Variants in URGCP observed in about 807,000 individuals in gnomAD.
URGCP encodes up-regulator of cell proliferation.
In URGCP, 13 loss-of-function variants were observed where a neutral mutation model predicts 24.6. The ratio of observed to expected loss-of-function variants is 0.53; its 90% CI spans 0.34 to 0.84. URGCP has a LOEUF of 0.84. URGCP is among the 40% of genes least tolerant of loss of function. The probability of loss-of-function intolerance (pLI) is 0.01; values close to 1 mark genes in which losing one functional copy is unlikely to be tolerated. For synonymous variants in URGCP, 444 were observed against 487.2 expected (o/e 0.91, Z 1.17); for missense variants, 899 against 1,194.3 (o/e 0.75, Z 3.64).
At chr7:43,897,579 G>A (rs1034603962) in intron 1 of URGCP, among the ~76,000 whole-genome samples, 21 of 151,908 alleles carry the variant, frequency 1.4e-4, no homozygotes, top group African/African-American at 4.8e-4. Flanking sequence ...GGAGGAAGAG[G>A]AAGAGAAAAA....
rs3815230 is a variant in URGCP, at chr7:43,886,898, C to T, written c.112+517G>A. On this transcript the variant is annotated intron_variant, in intron 3 of 5. Transcript: ENST00000453200. Reference sequence around the variant, plus strand: ...ACAAAGGGTGGCGTTACAGCCCCACCCCCAAATCCTCAGAGAAAGAAAAAC... The same window carrying T: ...ACAAAGGGTGGCGTTACAGCCCCACTCCCAAATCCTCAGAGAAAGAAAAAC... Among the ~76,000 whole-genome samples, 1,750 of 152,178 alleles carry T rather than the reference C, an allele frequency of 0.011. 54 individuals are homozygous for T. The East Asian group carries it at 0.12, about 10-fold the overall frequency.
intron 1 of URGCP, among the ~76,000 whole-genome samples, chr7:43,925,201 T>G (rs906785425): frequency 3.4e-4 from 51 of 152,110 alleles, no homozygotes; most frequent in Non-Finnish European, 1.2e-4. Context: ...GGAGGACAGA[T>G]TGGGGGAATG....
At chr7:43,920,824 T>C (rs1287519538) in intron 1 of URGCP, among the ~76,000 whole-genome samples, 1 of 152,132 alleles carries the variant, frequency 6.6e-6, no homozygotes, top group Non-Finnish European at 1.5e-5. Context: ...TAAAAGCAGA[T>C]AGGTCCCCCT....
chr7:43,877,741 C>A lies in URGCP; in HGVS notation c.1722G>T (p.Leu574=), dbSNP rs372129888. 6.2e-6 allele frequency: 10 copies of A among 1,608,256 alleles called. No individual in the cohort carries two copies. The highest frequency in any genetic ancestry group is 1.3e-5 in the African/African-American group (1 of 74,974). The change falls in exon 6 of 6, where the codon CTG becomes CTT. Residue 574 remains leucine, a synonymous_variant. Coordinates refer to ENST00000453200, the MANE Select transcript of URGCP (RefSeq NM_001077663.3). ...TCAGTCGCGGCTGGGCCACCCGTGC[C>A]AGGCCCCACTCCATCCACCTCAGGA... ...QYFLRWMEWG[L]ARVAQPRLRQ...
chr7:43,913,628 T>A (rs943535279), intron 1 of URGCP, among the ~76,000 whole-genome samples: 1 of 152,210 alleles, frequency 6.6e-6, no homozygotes, highest in East Asian at 1.9e-4. Context: ...CCCTTAAATA[T>A]GATGAATCAC....
At chr7:43,913,952 G>A (rs538315952) in intron 1 of URGCP, among the ~76,000 whole-genome samples, 4 of 152,136 alleles carry the variant, frequency 2.6e-5, no homozygotes, top group Non-Finnish European at 4.4e-5. Flanking sequence ...ACCTGCCTTG[G>A]CCTACCAAAG....
At chr7:43,894,690 A>G (rs1275091439) in intron 1 of URGCP, among the ~76,000 whole-genome samples, 1 of 152,130 alleles carries the variant, frequency 6.6e-6, no homozygotes, top group Non-Finnish European at 1.5e-5. Context: ...AAATCATATC[A>G]AGTGTCTTCT....
chr7:43,878,594 C>G lies in URGCP; in HGVS notation c.869G>C (p.Trp290Ser), dbSNP rs1323686504. ...GAGGTCCCGATGCCAGAAGCAGTCC[C>G]ACTGCCTGTGGCCCGGGCTGAGGAC... ...NAVLSPGHRQWDCFWHRDLNL... is the reference protein window; with the variant it reads ...NAVLSPGHRQSDCFWHRDLNL... The change falls in exon 6 of 6, where the codon TGG (tryptophan) becomes TCG (serine). Residue 290 changes from tryptophan (W) to serine (S), a missense_variant. Trp to Ser is a radical substitution (Grantham distance 177, BLOSUM62 -3). Coordinates refer to ENST00000453200, the MANE Select transcript of URGCP (RefSeq NM_001077663.3). The surrounding 1 kb of genome is among the most constrained non-coding windows in gnomAD (Gnocchi z 5.6). 4.3e-6 allele frequency: 7 copies of G among 1,614,020 alleles called. No individual in the cohort carries two copies. The highest frequency in any genetic ancestry group is 5.9e-6 in the Non-Finnish European group (7 of 1,180,062).
Position 43,901,093 on chromosome 7 carries a change from T to C in URGCP, c.14+5469A>G, listed in dbSNP as rs867563280. On this transcript the variant is annotated intron_variant, in intron 1 of 5. Transcript: ENST00000453200. ...TCTATACTAGAAATAACAGTCCTTA[T>C]TGAATAGGTTGCTGTGAAGATTAAA... is the stretch of plus-strand genomic sequence containing the variant. Among the ~76,000 whole-genome samples the C allele has an allele frequency of 3.3e-5, 5 of 152,338 alleles. No individual in the cohort carries two copies. The South Asian group carries it at 1.0e-3, about 32-fold the overall frequency.
intron 1 of URGCP, among the ~76,000 whole-genome samples, chr7:43,912,133 T>C (rs1043354237): frequency 6.6e-6 from 1 of 152,104 alleles, no homozygotes; most frequent in Non-Finnish European, 1.5e-5. Context: ...CTTAGCTCTA[T>C]ACCTTAAAGA....
chr7:43,877,374 T>C lies in URGCP; in HGVS notation c.2089A>G (p.Thr697Ala), dbSNP rs2232106. The change falls in exon 6 of 6, where the codon ACC (threonine) becomes GCC (alanine). Residue 697 changes from threonine (T) to alanine (A), a missense_variant. By Grantham distance (58) the Thr-to-Ala change is moderately conservative. Transcript: ENST00000453200. ...TTGCCCGTGCCTGGCACCCCGACGG[T>C]TGACAGAACCACCAGCCTTGACCGT... The part of the protein sequence containing the change: ...ERRSRLVVLS[T>A]VGVPGTGKST... The C allele has an allele frequency of 0.017, 26,992 of 1,612,790 alleles. 328 individuals carry two copies. The highest frequency in any genetic ancestry group is 0.019 in the Non-Finnish European group (22,206 of 1,179,980).
chr7:43,922,426 C>T (rs1371292662), intron 1 of URGCP, among the ~76,000 whole-genome samples: 2 of 152,314 alleles, frequency 1.3e-5, no homozygotes, highest in East Asian at 3.9e-4. Flanking sequence ...TTTATAGTCG[C>T]ACCAGAATGT....
intron 1 of URGCP, among the ~76,000 whole-genome samples, chr7:43,892,780 C>T (rs1477997090): frequency 6.6e-6 from 1 of 151,950 alleles, no homozygotes; most frequent in Admixed American, 6.6e-5. Context: ...TGGGGGTGTC[C>T]CACCTCTAGA....
intron 5 of URGCP, chr7:43,881,120 T>G (rs2095853092): frequency 1.4e-6 from 1 of 695,084 alleles, no homozygotes; most frequent in Non-Finnish European, 2.6e-6. Context: ...TGAATGAAAC[T>G]AGGAACATTG....
intron 1 of URGCP, among the ~76,000 whole-genome samples, chr7:43,894,652 G>A (rs1417842701): frequency 6.6e-6 from 1 of 152,070 alleles, no homozygotes; most frequent in South Asian, 2.1e-4. Context: ...GAGCCACTGT[G>A]CCTGGCCAAA....
At chr7:43,879,329 TGAA>T in intron 5 of URGCP, 69 bp from the exon 6 acceptor site, 1 of 1,511,766 alleles carries the variant, frequency 6.6e-7, no homozygotes, top group African/African-American at 1.4e-5. Context: ...GAAGAGCTGG[TGAA>T]GGAGAGCCCA....
chr7:43,885,665 A>C (rs185566691), intron 3 of URGCP, among the ~76,000 whole-genome samples: 2 of 152,318 alleles, frequency 1.3e-5, no homozygotes, highest in East Asian at 3.9e-4. Flanking sequence ...AAAGTAATTA[A>C]GACAACCTAG....
chr7:43,888,071 A>G, intron 1 of URGCP: 1 of 454,196 alleles, frequency 2.2e-6, no homozygotes, highest in Non-Finnish European at 3.9e-6. Context: ...TTACAATTTA[A>G]TAAAATTGTG....
At chr7:43,896,250 G>A (rs115006472) in intron 1 of URGCP, among the ~76,000 whole-genome samples, 2,520 of 152,152 alleles carry the variant, frequency 0.017, 62 homozygotes, top group African/African-American at 0.057. Context: ...GTGGTCAGGA[G>A]CTTGAGACCA....
Sources: allele counts gnomAD v4.1 joint callset (sites outside exome capture counted in the v4.1 genomes callset), GRCh38; gene constraint gnomAD v4.1.1; non-coding constraint Gnocchi (gnomAD v3.1); transcripts MANE v1.5; gene names NCBI Gene and HGNC (gene_info 2026-07-23, HGNC 2026-07-21).